Variants in CA10 observed in about 807,000 individuals in gnomAD.
CA10 encodes the protein carbonic anhydrase 10 (inactive).
In CA10, 14 loss-of-function variants were observed where a neutral mutation model predicts 44.2. The ratio of observed to expected loss-of-function variants is 0.32; its 90% CI spans 0.21 to 0.50. The LOEUF (loss-of-function observed/expected upper bound fraction) is 0.50. Ranked by LOEUF, CA10 falls within the 20% of genes least tolerant of loss-of-function variation. CA10 has a pLI of 0.99. For synonymous variants in CA10, 159 were observed against 141.6 expected (o/e 1.12, Z -0.87); for missense variants, 350 against 409.7 (o/e 0.85, Z 1.26).
intron 3 of CA10, among the ~76,000 whole-genome samples, chr17:51,857,580 G>A (rs1344294912): frequency 2.0e-5 from 3 of 152,108 alleles, no homozygotes; most frequent in African/African-American, 7.2e-5. Context: ...GTCATGATAC[G>A]GCTGAGACAC....
chr17:52,052,884 A>G (rs1987117088), intron 2 of CA10, among the ~76,000 whole-genome samples: 2 of 151,922 alleles, frequency 1.3e-5, no homozygotes, highest in East Asian at 1.9e-4. Flanking sequence ...AAACCGTGTA[A>G]AGGGCCTTCC....
At chr17:51,666,170 T>C (rs1238467822) in intron 4 of CA10, among the ~76,000 whole-genome samples, 1 of 152,068 alleles carries the variant, frequency 6.6e-6, no homozygotes, top group East Asian at 1.9e-4. Context: ...GTGCTGGGCA[T>C]GAGGAGATGA....
chr17:52,144,101 T>C (rs1232166982), intron 1 of CA10, among the ~76,000 whole-genome samples: 1 of 152,110 alleles, frequency 6.6e-6, no homozygotes, highest in Non-Finnish European at 1.5e-5. Flanking sequence ...TGTTTTCATG[T>C]TGAGAATAGG....
rs1425638105 is a variant in CA10, at chr17:52,103,277, ATAAT to A, written c.62-30888_62-30885del. On this transcript the variant is annotated intron_variant, in intron 1 of 8. Transcript: ENST00000451037. The stretch of plus-strand genomic sequence containing the variant: ...TTCTTTGGGAACCACCTGTGGTTAG[ATAAT>A]TAAGGCTTTTCAGTGACCACAAGCT... Among the ~76,000 whole-genome samples, 27 of 152,328 alleles carry A rather than the reference ATAAT, an allele frequency of 1.8e-4. No individual in the cohort carries two copies. The East Asian group carries it at 5.0e-3, about 28-fold the overall frequency.
chr17:51,663,917 G>GTCTT (rs1914111110), intron 4 of CA10, among the ~76,000 whole-genome samples: 1 of 152,186 alleles, frequency 6.6e-6, no homozygotes, highest in Admixed American at 6.5e-5. Flanking sequence ...GATTTTGCCA[G>GTCTT]TCTTTTCTTT....
At chr17:51,770,980 C>T (rs562379166) in intron 3 of CA10, among the ~76,000 whole-genome samples, 1 of 151,930 alleles carries the variant, frequency 6.6e-6, no homozygotes, top group Admixed American at 6.6e-5. Context: ...AAAAATTAGC[C>T]TGGCGTGGTG....
At chr17:51,821,093 CT>C (rs1598062255) in intron 3 of CA10, among the ~76,000 whole-genome samples, 1 of 126,360 alleles carries the variant, frequency 7.9e-6, no homozygotes, top group African/African-American at 3.0e-5. Context: ...CCCTCCCTCC[CT>C]TCCTTCCTTC....
intron 4 of CA10, among the ~76,000 whole-genome samples, chr17:51,727,355 A>C (rs1421933218): frequency 6.6e-6 from 1 of 152,092 alleles, no homozygotes; most frequent in Non-Finnish European, 1.5e-5. Flanking sequence ...GGGGTATCCC[A>C]CACATTTTTA....
chr17:51,746,968 C>T (rs922566583), intron 4 of CA10, among the ~76,000 whole-genome samples: 1 of 152,208 alleles, frequency 6.6e-6, no homozygotes, highest in African/African-American at 2.4e-5. Flanking sequence ...TTCATAAACA[C>T]CCTCCAGTAT....
At chr17:52,038,601 TA>T (rs1446474642) in intron 2 of CA10, among the ~76,000 whole-genome samples, 1 of 152,128 alleles carries the variant, frequency 6.6e-6, no homozygotes, top group African/African-American at 2.4e-5. Context: ...GATACGTGTA[TA>T]AAAAATGGAT....
At position 52,071,567 on chromosome 17, in the gene CA10, C is replaced by T. The variant is rs566846886; in HGVS notation, c.136+752G>A. On this transcript the variant is annotated intron_variant, in intron 2 of 8. Transcript: ENST00000451037. Reference sequence around the variant, plus strand: ...ATCTCCAGCCCTCTGCTTTCAGTGCCGGAGTAGAGATTGCACACTGGCTCC... The same window carrying T: ...ATCTCCAGCCCTCTGCTTTCAGTGCTGGAGTAGAGATTGCACACTGGCTCC... Among the ~76,000 whole-genome samples, 100 of 152,262 alleles carry T rather than the reference C, an allele frequency of 6.6e-4. 1 individual carries two copies. The highest frequency in any genetic ancestry group is 2.0e-3 in the African/African-American group (83 of 41,558).
intron 4 of CA10, among the ~76,000 whole-genome samples, chr17:51,709,608 C>G (rs1231686059): frequency 6.6e-6 from 1 of 152,148 alleles, no homozygotes; most frequent in Non-Finnish European, 1.5e-5. Context: ...TAATGTGCAG[C>G]CAGGGTTGCA....
chr17:51,786,529 G>A (rs934505790), intron 3 of CA10, among the ~76,000 whole-genome samples: 77 of 152,170 alleles, frequency 5.1e-4, no homozygotes, highest in African/African-American at 1.6e-3. Flanking sequence ...TGCAGCCTGC[G>A]TGACAGAGTG....
At chr17:51,925,243 C>A (rs1473635474) in intron 3 of CA10, among the ~76,000 whole-genome samples, 2 of 152,116 alleles carry the variant, frequency 1.3e-5, no homozygotes, top group African/African-American at 4.8e-5. Context: ...TCAATTATTT[C>A]TACAACCTAT....
intron 2 of CA10, among the ~76,000 whole-genome samples, chr17:51,999,874 C>A (rs184282953): frequency 6.6e-6 from 1 of 152,134 alleles, no homozygotes; most frequent in East Asian, 1.9e-4. Context: ...AATTGCGTAA[C>A]ATCCAATCCT....
chr17:51,807,742 G>A (rs1907189567), intron 3 of CA10, among the ~76,000 whole-genome samples: 1 of 152,198 alleles, frequency 6.6e-6, no homozygotes, highest in Admixed American at 6.5e-5. Flanking sequence ...ATACAATGAT[G>A]TGCAAAAGAA....
intron 3 of CA10, among the ~76,000 whole-genome samples, chr17:51,881,268 T>C (rs1483884119): frequency 6.7e-6 from 1 of 148,258 alleles, no homozygotes; most frequent in Non-Finnish European, 1.5e-5. Context: ...AAAAGTTTTA[T>C]CCTTTTATCA....
chr17:51,695,877 G>T (rs138400663), intron 4 of CA10, among the ~76,000 whole-genome samples: 25 of 152,184 alleles, frequency 1.6e-4, no homozygotes, highest in Middle Eastern at 3.4e-3. Context: ...ATCACTTAGG[G>T]ATGTTGGATT....
intron 2 of CA10, among the ~76,000 whole-genome samples, chr17:52,047,656 G>A (rs1453575627): frequency 6.6e-6 from 1 of 151,816 alleles, no homozygotes; most frequent in African/African-American, 2.4e-5. Context: ...ATCATCCAGA[G>A]ATAAATACTT....
Sources: allele counts gnomAD v4.1 joint callset (sites outside exome capture counted in the v4.1 genomes callset), GRCh38; gene constraint gnomAD v4.1.1; transcripts MANE v1.5; gene names NCBI Gene and HGNC (gene_info 2026-07-23, HGNC 2026-07-21).